Variants in BFSP2 observed in about 807,000 individuals in gnomAD.
BFSP2 encodes the protein beaded filament structural protein 2, also known as phakinin.
In BFSP2, 38 loss-of-function variants were observed where a neutral mutation model predicts 44.9. The ratio of observed to expected loss-of-function variants is 0.85; its 90% CI spans 0.65 to 1.11. The LOEUF (loss-of-function observed/expected upper bound fraction) is 1.11, where lower values mean the gene tolerates loss of function less well. BFSP2 is among the 50% of genes least tolerant of loss of function. The pLI, the probability that BFSP2 is intolerant of heterozygous loss-of-function variation, is 0.00. For missense variants in BFSP2, 525 were observed against 533.0 expected (o/e 0.99, Z 0.15); for synonymous variants, 197 against 209.9 (o/e 0.94, Z 0.53).
At chr3:133,413,259 G>T (rs777049890) in intron 1 of BFSP2, among the ~76,000 whole-genome samples, 6 of 152,038 alleles carry the variant, frequency 3.9e-5, no homozygotes, top group Middle Eastern at 3.2e-3. Context: ...GGCAGGGGAA[G>T]CCTTCAGAAC....
At chr3:133,427,352 A>G (rs576130550) in intron 1 of BFSP2, among the ~76,000 whole-genome samples, 2 of 152,356 alleles carry the variant, frequency 1.3e-5, no homozygotes, top group East Asian at 3.9e-4. Context: ...AATAAGCAGA[A>G]CAGGTGTCAT....
At position 133,401,764 on chromosome 3, in the gene BFSP2, T is replaced by G. The variant is rs377142382; in HGVS notation, c.489+1192T>G. On this transcript the variant is annotated intron_variant, in intron 1 of 6. Transcript: ENST00000302334. Reference sequence around the variant, plus strand: ...ACCCTTGGCCCCCTGGAGTCCAGTATGCAGCCTCCCAAGAGGAGGTCACAA... The same window carrying G: ...ACCCTTGGCCCCCTGGAGTCCAGTAGGCAGCCTCCCAAGAGGAGGTCACAA... Among the ~76,000 whole-genome samples the G allele has an allele frequency of 3.7e-4, 57 of 152,324 alleles. 1 individual carries two copies. In the South Asian group the frequency reaches 6.0e-3, roughly 16 times the overall value.
In BFSP2 at chr3:133,425,790, G is replaced by GAAAGGGAAAGGGA. The variant is rs1553779092; in HGVS notation, c.490-21525_490-21524insAGGGAAAGGGAAA. 1.8e-4 allele frequency among the ~76,000 whole-genome samples: 25 copies of GAAAGGGAAAGGGA among 139,920 alleles called. 2 individuals carry two copies. The highest frequency in any genetic ancestry group is 7.2e-4 in the African/African-American group (25 of 34,542). The allele number at this position is 139,920 out of a possible 152,430, so 91.8% of individuals were successfully genotyped here. ...GGGAAAGGGAAAGGGAAAGGGAAGGGAAGGGAAGGGAAGAAGGGAAGGGAA... is the reference window on the plus strand; with the variant it reads ...GGGAAAGGGAAAGGGAAAGGGAAGGGAAAGGGAAAGGGAAAGGGAAGGGAAGAAGGGAAGGGAA... On this transcript the variant is annotated intron_variant, in intron 1 of 6. Coordinates refer to ENST00000302334, the MANE Select transcript of BFSP2 (RefSeq NM_003571.4).
At chr3:133,416,366 C>G (rs1229428902) in intron 1 of BFSP2, among the ~76,000 whole-genome samples, 1 of 143,300 alleles carries the variant, frequency 7.0e-6, no homozygotes, top group Admixed American at 6.9e-5. Flanking sequence ...CCCCTCTACT[C>G]ATGCCTGCCC....
intron 1 of BFSP2, among the ~76,000 whole-genome samples, chr3:133,438,250 G>A (rs1242800842): frequency 6.6e-6 from 1 of 152,238 alleles, no homozygotes; most frequent in African/African-American, 2.4e-5. Context: ...AGTAAGGCCA[G>A]GCACGGTGGC....
At chr3:133,442,523 C>T (rs545450824) in intron 1 of BFSP2, among the ~76,000 whole-genome samples, 15 of 152,212 alleles carry the variant, frequency 9.9e-5, no homozygotes, top group African/African-American at 2.9e-4. Flanking sequence ...AAAAAGCCCA[C>T]TCTGGAAGCA....
chr3:133,425,132 G>A (rs1482471771), intron 1 of BFSP2, among the ~76,000 whole-genome samples: 1 of 152,170 alleles, frequency 6.6e-6, no homozygotes, highest in East Asian at 1.9e-4. Context: ...CATTGTCATG[G>A]TAGCTACTAT....
At chr3:133,422,875 G>A (rs2073605984) in intron 1 of BFSP2, among the ~76,000 whole-genome samples, 2 of 151,754 alleles carry the variant, frequency 1.3e-5, no homozygotes, top group South Asian at 4.2e-4. Flanking sequence ...GTTCACAAAA[G>A]CCCAGATTAA....
chr3:133,472,672 C>T, intron 6 of BFSP2, 107 bp downstream of exon 6: 2 of 1,382,480 alleles, frequency 1.4e-6, no homozygotes, highest in East Asian at 2.5e-5. Context: ...TCACCCCAGA[C>T]TTCCTCTCAC....
At position 133,448,552 on chromosome 3, in the gene BFSP2, C is replaced by T. The variant is rs2073925280; in HGVS notation, c.636C>T (p.Val212=). ...AEEEINSLYK[V]IDEANLTKMD... ...AGGAAATTAACTCTCTGTATAAAGT[C>T]ATTGATGAGGCTAATTTGACTAAAA... The change falls in exon 3 of 7, where the codon GTC becomes GTT. Residue 212 remains valine, a synonymous_variant. Coordinates refer to ENST00000302334, the MANE Select transcript of BFSP2 (RefSeq NM_003571.4). 5 of 1,613,838 alleles carry T rather than the reference C, an allele frequency of 3.1e-6. No homozygotes were observed. The highest frequency in any genetic ancestry group is 4.2e-6 in the Non-Finnish European group (5 of 1,179,994).
intron 1 of BFSP2, among the ~76,000 whole-genome samples, chr3:133,430,497 T>C (rs1309431341): frequency 6.6e-6 from 1 of 152,198 alleles, no homozygotes; most frequent in Non-Finnish European, 1.5e-5. Context: ...TGCATTTCTC[T>C]GATTTTCTTC....
rs908252363 is a variant in BFSP2, at chr3:133,446,292, A to G, written c.490-1025A>G. 5.9e-5 allele frequency among the ~76,000 whole-genome samples: 9 copies of G among 151,826 alleles called. 1 individual carries two copies. Among genetic ancestry groups the G allele is most frequent in the Non-Finnish European group, 1.0e-4 (7 of 67,974 alleles). On this transcript the variant is annotated intron_variant, in intron 1 of 6. Transcript: ENST00000302334. ...AAAAATTAGCTGGGCGCAGTGGCAC[A>G]TGCCTGTAATCCCAGCTACTCAGGA...
At chr3:133,464,414 A>C (rs1224095494) in intron 4 of BFSP2, among the ~76,000 whole-genome samples, 2 of 152,176 alleles carry the variant, frequency 1.3e-5, no homozygotes, top group African/African-American at 4.8e-5. Flanking sequence ...TAATAATGAC[A>C]TCTCCTTCAT....
intron 2 of BFSP2, 110 bp from the exon 3 acceptor site, chr3:133,448,379 T>C: frequency 1.5e-6 from 2 of 1,327,406 alleles, no homozygotes; most frequent in Non-Finnish European, 2.1e-6. Flanking sequence ...CAGTGACTTT[T>C]ACCATTCATT....
chr3:133,431,603 G>T (rs2073719146), intron 1 of BFSP2, among the ~76,000 whole-genome samples: 1 of 152,198 alleles, frequency 6.6e-6, no homozygotes, highest in Non-Finnish European at 1.5e-5. Flanking sequence ...GACTGATGCT[G>T]CCCGATCGCC....
intron 1 of BFSP2, among the ~76,000 whole-genome samples, chr3:133,403,752 G>C (rs996664056): frequency 3.3e-5 from 5 of 152,176 alleles, no homozygotes; most frequent in African/African-American, 1.2e-4. Flanking sequence ...AGCTAGCACA[G>C]AAAGCTCCTG....
intron 4 of BFSP2, among the ~76,000 whole-genome samples, chr3:133,456,397 C>T (rs1045586066): frequency 3.3e-5 from 5 of 152,182 alleles, no homozygotes; most frequent in Admixed American, 2.0e-4. Flanking sequence ...ACTGAAATAT[C>T]GCAATGATGG....
chr3:133,457,180 T>C (rs1037328876), intron 4 of BFSP2, among the ~76,000 whole-genome samples: 4 of 152,222 alleles, frequency 2.6e-5, no homozygotes, highest in African/African-American at 9.6e-5. Context: ...TAGAGGCTCC[T>C]GTGTGCCAAT....
intron 1 of BFSP2, among the ~76,000 whole-genome samples, chr3:133,445,149 T>TG: frequency 6.6e-6 from 1 of 152,352 alleles, no homozygotes; most frequent in Non-Finnish European, 1.5e-5. Context: ...AAAAGTTTCA[T>TG]GGGGAAGCCG....
Sources: gnomAD v4.1 joint callset for allele counts (sites outside exome capture counted in the v4.1 genomes callset) on GRCh38, gnomAD v4.1.1 for gene constraint, MANE v1.5 for transcripts, NCBI Gene and HGNC (gene_info 2026-07-23, HGNC 2026-07-21) for gene names.